Variants in CDH18 observed in about 807,000 individuals in gnomAD.
CDH18 encodes cadherin-18.
In CDH18, 31 loss-of-function variants were observed where a neutral mutation model predicts 67.9. That is an observed-to-expected ratio of 0.46 (90% CI 0.34 to 0.62). CDH18 has a LOEUF of 0.62. Among genes scored for constraint, CDH18 ranks in the 20% least tolerant of loss-of-function variants. The probability of loss-of-function intolerance (pLI) is 0.01; values close to 1 mark genes in which losing one functional copy is unlikely to be tolerated. For synonymous variants in CDH18, 362 were observed against 347.2 expected, an observed-to-expected ratio of 1.04 and a Z score of -0.48; for missense variants, 890 against 975.5, an observed-to-expected ratio of 0.91 and a Z score of 1.17.
At chr5:20,086,410 T>C (rs563171973) in intron 2 of CDH18, among the ~76,000 whole-genome samples, 2 of 152,336 alleles carry the variant, frequency 1.3e-5, no homozygotes, top group African/African-American at 4.8e-5. Flanking sequence ...GCTGAGATCA[T>C]TGATAAATGT....
At chr5:19,525,392 T>C (rs1308589319) in intron 9 of CDH18, among the ~76,000 whole-genome samples, 1 of 151,238 alleles carries the variant, frequency 6.6e-6, no homozygotes, top group Non-Finnish European at 1.5e-5. Flanking sequence ...GCATAGCATT[T>C]GGGATCAGGG....
intron 1 of CDH18, among the ~76,000 whole-genome samples, chr5:20,430,963 G>A (rs141723367): frequency 6.6e-6 from 1 of 152,168 alleles, no homozygotes; most frequent in African/African-American, 2.4e-5. Context: ...ATACATTCCT[G>A]CATCTATTTC....
chr5:20,478,320 C>A, intron 1 of CDH18, among the ~76,000 whole-genome samples: 1 of 152,208 alleles, frequency 6.6e-6, no homozygotes, highest in Non-Finnish European at 1.5e-5. Context: ...AATTCAAGGC[C>A]TTGGTTCCAG....
intron 2 of CDH18, among the ~76,000 whole-genome samples, chr5:20,240,283 G>GTTAC (rs965884286): frequency 1.4e-4 from 15 of 107,408 alleles, no homozygotes; most frequent in Admixed American, 2.8e-4. Flanking sequence ...CTAAAAAAAA[G>GTTAC]TTGGCAATTA....
chr5:20,252,884 C>T (rs1580591163), intron 2 of CDH18, among the ~76,000 whole-genome samples: 1 of 150,518 alleles, frequency 6.6e-6, no homozygotes, highest in African/African-American at 2.4e-5. Context: ...TGTAGTGAGC[C>T]GAGATTGTGC....
intron 1 of CDH18, among the ~76,000 whole-genome samples, chr5:20,405,363 C>T (rs1488251721): frequency 6.6e-6 from 1 of 152,126 alleles, no homozygotes; most frequent in Non-Finnish European, 1.5e-5. Context: ...ATAAATGGTG[C>T]TGGGAAAACT....
At chr5:19,888,338 A>G (rs904392617) in intron 2 of CDH18, among the ~76,000 whole-genome samples, 1 of 152,112 alleles carries the variant, frequency 6.6e-6, no homozygotes, top group Admixed American at 6.6e-5. Flanking sequence ...TAAATCCTTA[A>G]CAAGGTATAT....
chr5:20,260,022 A>G (rs1312851486), intron 1 of CDH18, among the ~76,000 whole-genome samples: 1 of 152,044 alleles, frequency 6.6e-6, no homozygotes, highest in East Asian at 2.0e-4. Context: ...AAAATCTTAG[A>G]AAGTTCAAAA....
chr5:19,901,880 A>G (rs907737189), intron 2 of CDH18, among the ~76,000 whole-genome samples: 3 of 151,892 alleles, frequency 2.0e-5, no homozygotes, highest in African/African-American at 7.2e-5. Context: ...ATCTCATTCA[A>G]TAACTAAATA....
intron 6 of CDH18, among the ~76,000 whole-genome samples, chr5:19,595,188 C>T (rs1219161459): frequency 6.6e-6 from 1 of 151,874 alleles, no homozygotes; most frequent in African/African-American, 2.4e-5. Flanking sequence ...TTTATAATAG[C>T]ATTGAAATGA....
At chr5:20,317,106 G>C (rs1453314952) in intron 1 of CDH18, among the ~76,000 whole-genome samples, 1 of 151,916 alleles carries the variant, frequency 6.6e-6, no homozygotes, top group Non-Finnish European at 1.5e-5. Context: ...TGTTCAAGAT[G>C]TACTATTATA....
chr5:20,286,562 T>C (rs1248533779), intron 1 of CDH18, among the ~76,000 whole-genome samples: 2 of 151,750 alleles, frequency 1.3e-5, no homozygotes, highest in Non-Finnish European at 3.0e-5. Flanking sequence ...GAGGAATTTA[T>C]ACTTATTTTC....
intron 2 of CDH18, among the ~76,000 whole-genome samples, chr5:19,974,307 A>C (rs1048734133): frequency 6.6e-6 from 1 of 151,888 alleles, no homozygotes; most frequent in Non-Finnish European, 1.5e-5. Context: ...CGAGGCGGGC[A>C]GATCACTTGA....
intron 2 of CDH18, among the ~76,000 whole-genome samples, chr5:19,849,473 C>G (rs1783394415): frequency 6.6e-6 from 1 of 151,324 alleles, no homozygotes; most frequent in Non-Finnish European, 1.5e-5. Context: ...ATTGAACCAC[C>G]AATTAAATCA....
intron 8 of CDH18, among the ~76,000 whole-genome samples, chr5:19,567,569 T>G (rs547342215): frequency 1.3e-5 from 2 of 152,268 alleles, no homozygotes; most frequent in South Asian, 4.1e-4. Context: ...TGCTTTTGTT[T>G]TTGTTAATGT....
At chr5:20,257,323 A>T (rs1561917779) in intron 1 of CDH18, among the ~76,000 whole-genome samples, 1 of 152,136 alleles carries the variant, frequency 6.6e-6, no homozygotes, top group African/African-American at 2.4e-5. Flanking sequence ...AAATAATTTT[A>T]AAAATTGAGT....
chr5:19,696,355 G>C (rs540233886), intron 5 of CDH18, among the ~76,000 whole-genome samples: 4 of 151,230 alleles, frequency 2.6e-5, no homozygotes, highest in Non-Finnish European at 4.4e-5. Flanking sequence ...TGGTCAACAT[G>C]GTGAAACCCT....
At chr5:19,628,835 T>C (rs538649506) in intron 5 of CDH18, among the ~76,000 whole-genome samples, 1 of 151,990 alleles carries the variant, frequency 6.6e-6, no homozygotes, top group Non-Finnish European at 1.5e-5. Context: ...GAAATGAGTA[T>C]GTATAGAAAG....
intron 2 of CDH18, among the ~76,000 whole-genome samples, chr5:20,223,345 T>C (rs1741376846): frequency 6.6e-6 from 1 of 152,134 alleles, no homozygotes; most frequent in African/African-American, 2.4e-5. Flanking sequence ...TTTGGAACAG[T>C]TGTATTTACC....
Sources: allele counts gnomAD v4.1 joint callset (sites outside exome capture counted in the v4.1 genomes callset), GRCh38; gene constraint gnomAD v4.1.1; transcripts MANE v1.5; gene names NCBI Gene and HGNC (gene_info 2026-07-23, HGNC 2026-07-21).